GAS7: variants seen among roughly 807,000 people sequenced by gnomAD.
The protein encoded by GAS7 is growth arrest-specific protein 7.
A neutral mutation model predicts 71.1 loss-of-function variants in GAS7; 28 were observed. That is an observed-to-expected ratio of 0.39 (90% CI 0.29 to 0.54). GAS7 has a LOEUF of 0.54. Among genes scored for constraint, GAS7 ranks in the 20% least tolerant of loss-of-function variants. The probability of loss-of-function intolerance (pLI) is 0.62; values close to 1 mark genes in which losing one functional copy is unlikely to be tolerated. For missense variants in GAS7, 436 were observed against 627.8 expected, an observed-to-expected ratio of 0.69 and a Z score of 3.27; for synonymous variants, 258 against 245.8, an observed-to-expected ratio of 1.05 and a Z score of -0.46.
intron 8 of GAS7, among the ~76,000 whole-genome samples, chr17:9,938,470 CAAAAAAAA>C (rs34813185): frequency 4.6e-5 from 3 of 65,194 alleles, no homozygotes; most frequent in African/African-American, 1.2e-4. Flanking sequence ...GACTCTGTCT[CAAAAAAAA>C]AAAAAAAAAA....
Position 10,103,844 on chromosome 17 carries a change from A to T in GAS7, c.184-83947T>A, listed in dbSNP as rs1268387650. Among the ~76,000 whole-genome samples the T allele has an allele frequency of 6.6e-6, 1 of 151,628 alleles. No homozygotes were observed. Among genetic ancestry groups the T allele is most frequent in the East Asian group, 1.9e-4 (1 of 5,170 alleles). ...GCATCTCAAAAAATCTCAAAAAAAAAAAAAAAGAAGCAAACCCATAGAACC... is the reference window on the plus strand; with the variant it reads ...GCATCTCAAAAAATCTCAAAAAAAATAAAAAAGAAGCAAACCCATAGAACC... On this transcript the variant is annotated intron_variant, in intron 1 of 13. Coordinates refer to ENST00000432992, the MANE Select transcript of GAS7 (RefSeq NM_201433.2). This position sits in a 1 kb window ranked among gnomAD's most constrained non-coding sequence, Gnocchi z 5.5.
intron 3 of GAS7, among the ~76,000 whole-genome samples, chr17:9,970,256 C>A (rs28518776): frequency 6.6e-6 from 1 of 152,060 alleles, no homozygotes; most frequent in South Asian, 2.1e-4. Flanking sequence ...GACTGGTCAC[C>A]GTGAAATTAG....
At chr17:10,085,664 C>A (rs1052375553) in intron 1 of GAS7, among the ~76,000 whole-genome samples, 2 of 140,968 alleles carry the variant, frequency 1.4e-5, no homozygotes, top group African/African-American at 5.3e-5. Flanking sequence ...TGCACTCCAG[C>A]CTGGGCGACA....
In GAS7 at chr17:9,916,493, G is replaced by A. The variant is rs1056092298; in HGVS notation, c.*735C>T. ...GGCCTCCCCGAGGAAGCAGCTGGGG[G>A]AAGGATGGATTGGCATTTCCAGAGG... On this transcript the variant is annotated 3_prime_UTR_variant, in exon 14 of 14. Transcript: ENST00000432992. The A allele has an allele frequency of 8.9e-5, 21 of 234,798 alleles. No homozygotes were observed. The highest frequency in any genetic ancestry group is 1.7e-4 in the Non-Finnish European group (20 of 118,910). 14.5% of individuals were successfully genotyped at this position (234,798 alleles called of 1,614,324 possible).
chr17:10,132,020 C>T (rs9889528), intron 1 of GAS7, among the ~76,000 whole-genome samples: 44,827 of 152,006 alleles, frequency 0.29, 7,704 homozygotes, highest in Non-Finnish European at 0.39. Context: ...TGAAAACGTA[C>T]TCATGAACAT....
chr17:10,127,081 T>C (rs1470542738), intron 1 of GAS7, among the ~76,000 whole-genome samples: 1 of 152,138 alleles, frequency 6.6e-6, no homozygotes, highest in African/African-American at 2.4e-5. Flanking sequence ...TTTAAATCAA[T>C]TGGCAACATT....
In GAS7 at chr17:9,919,492, C is replaced by T. The variant is rs1485894441; in HGVS notation, c.1218+134G>A. 7 of 750,716 alleles carry T rather than the reference C, an allele frequency of 9.3e-6. No individual in the cohort carries two copies. Among genetic ancestry groups the T allele is most frequent in the Non-Finnish European group, 1.7e-5 (7 of 411,382 alleles). 46.5% of individuals were successfully genotyped at this position (750,716 alleles called of 1,614,324 possible). A position where few individuals can be genotyped will look rare whatever the true frequency, so the allele number is the denominator to read the frequency against. ...GCTGGCTCACATTGAGGTTTCGACC[C>T]CAACACTGAAGTAGATTTGATGACC... On this transcript the variant is annotated intron_variant, in intron 12 of 13. Coordinates refer to ENST00000432992, the MANE Select transcript of GAS7 (RefSeq NM_201433.2). This position sits in a 1 kb window ranked among gnomAD's most constrained non-coding sequence, Gnocchi z 5.0.
At chr17:10,022,958 T>C (rs145177637) in intron 1 of GAS7, among the ~76,000 whole-genome samples, 1 of 152,186 alleles carries the variant, frequency 6.6e-6, no homozygotes. Flanking sequence ...GGAGAGCCAG[T>C]GGACCCAACC....
intron 2 of GAS7, among the ~76,000 whole-genome samples, chr17:9,982,908 G>A (rs1462845128): frequency 6.6e-6 from 1 of 152,116 alleles, no homozygotes; most frequent in African/African-American, 2.4e-5. Flanking sequence ...AATACTGCAA[G>A]CTATAGTATT....
rs1275558854 is a variant in GAS7 at position 10,005,994 on chromosome 17, T to C, written c.304+13783A>G. On this transcript the variant is annotated intron_variant, in intron 2 of 13. Transcript: ENST00000432992. ...GAGTACTGGTTGATCTAATGACTGG[T>C]AGAGATCCTGCTATGGGATTAGTGC... is the stretch of plus-strand genomic sequence containing the variant. Among the ~76,000 whole-genome samples the C allele has an allele frequency of 2.0e-5, 3 of 152,162 alleles. No individual in the cohort carries two copies. The South Asian group carries it at 6.2e-4, about 32-fold the overall frequency.
chr17:10,135,619 C>T (rs968597288), intron 1 of GAS7, among the ~76,000 whole-genome samples: 3 of 152,200 alleles, frequency 2.0e-5, no homozygotes, highest in Admixed American at 6.5e-5. Flanking sequence ...CCCATCTCCA[C>T]GTGGTGGGAA....
intron 4 of GAS7, among the ~76,000 whole-genome samples, chr17:9,963,830 T>C (rs1031784369): frequency 5.3e-5 from 8 of 152,156 alleles, no homozygotes; most frequent in African/African-American, 1.7e-4. Context: ...TTTTCTTAAA[T>C]ATGATAATGG....
intron 1 of GAS7, among the ~76,000 whole-genome samples, chr17:10,070,297 G>C (rs963156767): frequency 6.7e-6 from 1 of 148,936 alleles, no homozygotes; most frequent in African/African-American, 2.5e-5. Context: ...GCCTGGGTCA[G>C]CTGCCCAGCC....
At chr17:10,172,620 G>A (rs1342578374) in intron 1 of GAS7, among the ~76,000 whole-genome samples, 1 of 152,260 alleles carries the variant, frequency 6.6e-6, no homozygotes, top group African/African-American at 2.4e-5. Flanking sequence ...TTATAGCTTA[G>A]GAAGGGCTTA....
At chr17:10,063,865 G>C (rs1042318272) in intron 1 of GAS7, among the ~76,000 whole-genome samples, 1 of 152,124 alleles carries the variant, frequency 6.6e-6, no homozygotes, top group Non-Finnish European at 1.5e-5. Context: ...GGGTGGTGAG[G>C]GGGGCAGAGG....
rs1261441788 is a variant in GAS7 at position 10,026,130 on chromosome 17, T to G, written c.184-6233A>C. The G allele has an allele frequency of 1.0e-6, 1 of 983,546 alleles. No individual in the cohort carries two copies. Among genetic ancestry groups the G allele is most frequent in the African/African-American group, 1.8e-5 (1 of 56,938 alleles). 60.9% of individuals were successfully genotyped at this position (983,546 alleles called of 1,614,324 possible). A position where few individuals can be genotyped will look rare whatever the true frequency, so the allele number is the denominator to read the frequency against. ...GACTCTCTCCCCCTCCGGAGGTTTC[T>G]GAGAACACCTGACTCTTACCTTATC... On this transcript the variant is annotated intron_variant, in intron 1 of 13. Transcript: ENST00000432992. This position sits in a 1 kb window ranked among gnomAD's most constrained non-coding sequence, Gnocchi z 4.5.
intron 1 of GAS7, among the ~76,000 whole-genome samples, chr17:10,162,774 T>C (rs533034160): frequency 6.6e-6 from 1 of 152,332 alleles, no homozygotes; most frequent in South Asian, 2.1e-4. Flanking sequence ...ATTCCAATTA[T>C]ATGAGGTCCC....
intron 2 of GAS7, among the ~76,000 whole-genome samples, chr17:10,017,443 C>T (rs753718117): frequency 3.3e-5 from 5 of 152,040 alleles, no homozygotes; most frequent in African/African-American, 7.2e-5. Flanking sequence ...ATTCTCCTGC[C>T]TCAGCCTCCC....
At position 9,917,330 on chromosome 17, in the gene GAS7, G is replaced by A. The variant is rs777985685; in HGVS notation, c.1329C>T (p.Pro443=). 6.2e-6 allele frequency: 10 copies of A among 1,611,994 alleles called. No individual in the cohort carries two copies. Among genetic ancestry groups the A allele is most frequent in the South Asian group, 1.1e-5 (1 of 91,066 alleles). ...TDMFNQSTVE[P]VDQLLRKVDP... ...CCACTTTTCGAAGCAGCTGATCCAC[G>A]GGCTCGACTGTCTGCAAGAGACAGA... Residue 443 remains proline, a synonymous_variant, in exon 14 of 14, where the codon CCC becomes CCT. Coordinates refer to ENST00000432992, the MANE Select transcript of GAS7 (RefSeq NM_201433.2).
Sources: gnomAD v4.1 joint callset for allele counts (sites outside exome capture counted in the v4.1 genomes callset) on GRCh38, gnomAD v4.1.1 for gene constraint, Gnocchi (gnomAD v3.1) non-coding constraint, MANE v1.5 for transcripts, NCBI Gene and HGNC (gene_info 2026-07-23, HGNC 2026-07-21) for gene names.